Variants in MAGT1 observed in about 807,000 individuals in gnomAD.
MAGT1 encodes the protein magnesium transporter 1, also known as dolichyl-diphosphooligosaccharide--protein glycosyltransferase subunit MAGT1.
MAGT1 carries 4 observed loss-of-function variants against 28.4 expected under a neutral mutation model. The ratio of observed to expected loss-of-function variants is 0.14; its 90% CI spans 0.07 to 0.32. The LOEUF (loss-of-function observed/expected upper bound fraction) is 0.32, where lower values mean the gene tolerates loss of function less well. Ranked by LOEUF, MAGT1 falls within the 10% of genes least tolerant of loss-of-function variation. The pLI, the probability that MAGT1 is intolerant of heterozygous loss-of-function variation, is 1.00. For missense variants in MAGT1, 193 were observed against 264.5 expected (o/e 0.73, Z 1.88); for synonymous variants, 89 against 89.7 (o/e 0.99, Z 0.04).
intron 6 of MAGT1, 63 bp from the exon 7 acceptor site, chrX:77,854,027 C>A: frequency 1.2e-6 from 1 of 840,120 alleles, no homozygotes; most frequent in South Asian, 2.0e-5. Flanking sequence ...TATGCTAACC[C>A]TAAAACGGGG....
intron 1 of MAGT1, among the ~76,000 whole-genome samples, chrX:77,893,889 C>A (rs868964705): frequency 9.3e-6 from 1 of 107,221 alleles, no homozygotes; most frequent in African/African-American, 3.4e-5. Context: ...GGCAACAGAG[C>A]GAGACCCGGT....
intron 3 of MAGT1, among the ~76,000 whole-genome samples, chrX:77,859,214 A>C (rs2076988711): frequency 9.0e-6 from 1 of 111,450 alleles, no homozygotes; most frequent in Non-Finnish European, 1.9e-5. Context: ...TCTCTAAATA[A>C]ATAAATAAAA....
chrX:77,870,365 T>C (rs1321556928), intron 3 of MAGT1, among the ~76,000 whole-genome samples: 1 of 110,274 alleles, frequency 9.1e-6, no homozygotes, highest in Admixed American at 9.8e-5. Flanking sequence ...AACTTATCCA[T>C]GTAACCAAAA....
At chrX:77,858,194 T>A (rs782312509) in intron 3 of MAGT1, among the ~76,000 whole-genome samples, 264 of 111,544 alleles carry the variant, frequency 2.4e-3, no homozygotes, top group Non-Finnish European at 4.3e-3. Flanking sequence ...TTTATTTATT[T>A]ATTTGTTTAT....
At chrX:77,832,619 AG>A (rs2076901615) in intron 8 of MAGT1, among the ~76,000 whole-genome samples, 1 of 109,763 alleles carries the variant, frequency 9.1e-6, no homozygotes, top group African/African-American at 3.3e-5. Context: ...TCACGAGGTC[AG>A]GAGTTCAAGA....
chrX:77,852,952 C>T (rs782567644), intron 7 of MAGT1, among the ~76,000 whole-genome samples: 1 of 111,718 alleles, frequency 9.0e-6, no homozygotes, highest in South Asian at 3.7e-4. Context: ...ATTCCAGGAA[C>T]ATTACATTTG....
chrX:77,849,599 C>T (rs1471132926), intron 7 of MAGT1, among the ~76,000 whole-genome samples: 4 of 110,191 alleles, frequency 3.6e-5, no homozygotes, highest in Non-Finnish European at 7.6e-5. Flanking sequence ...GACTGGGCAC[C>T]GTGGATCACG....
At chrX:77,859,847 A>G (rs1267149708) in intron 3 of MAGT1, among the ~76,000 whole-genome samples, 2 of 110,150 alleles carry the variant, frequency 1.8e-5, no homozygotes, top group Non-Finnish European at 3.8e-5. Flanking sequence ...AGCCTGGGTG[A>G]CACAGTGAGA....
intron 2 of MAGT1, among the ~76,000 whole-genome samples, chrX:77,873,105 G>A (rs1043262185): frequency 3.6e-5 from 4 of 111,891 alleles, no homozygotes; most frequent in African/African-American, 9.7e-5. Flanking sequence ...GTGAACTGAC[G>A]GAATTAGAAG....
intron 7 of MAGT1, among the ~76,000 whole-genome samples, chrX:77,844,688 C>T (rs1373961408): frequency 3.6e-5 from 4 of 111,588 alleles, no homozygotes; most frequent in Non-Finnish European, 5.6e-5. Flanking sequence ...TTTCTGCCTT[C>T]ATTTTGTTAT....
chrX:77,851,212 GTCTT>G (rs371851173), intron 7 of MAGT1, among the ~76,000 whole-genome samples: 24 of 108,331 alleles, frequency 2.2e-4, no homozygotes, highest in African/African-American at 8.1e-4. Flanking sequence ...AATGAACATT[GTCTT>G]TCTTTTTTTT....
At chrX:77,830,203 TC>T (rs2076893679) in intron 9 of MAGT1, among the ~76,000 whole-genome samples, 1 of 112,019 alleles carries the variant, frequency 8.9e-6, no homozygotes, top group Admixed American at 9.5e-5. Flanking sequence ...GCAGCTGTAG[TC>T]CTAGCCTCTT....
chrX:77,893,014 T>C (rs1557219610), intron 1 of MAGT1, among the ~76,000 whole-genome samples: 1 of 110,325 alleles, frequency 9.1e-6, no homozygotes. Context: ...AGGTCAGGCA[T>C]GGAGGCTCGC....
chrX:77,881,030 G>C (rs782177620), intron 1 of MAGT1, among the ~76,000 whole-genome samples: 1 of 106,120 alleles, frequency 9.4e-6, no homozygotes, highest in East Asian at 3.0e-4. Context: ...GCGGAACAAT[G>C]AAACAAGTAG....
chrX:77,886,624 A>G (rs1296916552), intron 1 of MAGT1, among the ~76,000 whole-genome samples: 1 of 110,912 alleles, frequency 9.0e-6, no homozygotes, highest in African/African-American at 3.3e-5. Flanking sequence ...ACTACACTTC[A>G]GCCTGAGCAA....
At chrX:77,863,663 G>A (rs1190280831) in intron 3 of MAGT1, among the ~76,000 whole-genome samples, 1 of 112,256 alleles carries the variant, frequency 8.9e-6, no homozygotes, top group African/African-American at 3.2e-5. Flanking sequence ...GTTTACTGCA[G>A]CACAATAGCA....
At chrX:77,850,484 A>AGGGG (rs35120738) in intron 7 of MAGT1, among the ~76,000 whole-genome samples, 6 of 33,927 alleles carry the variant, frequency 1.8e-4, no homozygotes, top group African/African-American at 3.8e-4. Flanking sequence ...CAAAAAAAAA[A>AGGGG]GGGGGGGGGG....
intron 1 of MAGT1, among the ~76,000 whole-genome samples, chrX:77,876,113 G>A (rs1557217770): frequency 1.1e-5 from 1 of 90,841 alleles, no homozygotes; most frequent in Non-Finnish European, 2.1e-5. Flanking sequence ...TTACAGGCAT[G>A]AGCCACCACA....
intron 9 of MAGT1, among the ~76,000 whole-genome samples, chrX:77,829,616 C>G (rs2076892248): frequency 9.0e-6 from 1 of 110,679 alleles, no homozygotes; most frequent in Non-Finnish European, 1.9e-5. Flanking sequence ...TGAATCAACT[C>G]TGCTGATCAA....
Sources: allele counts gnomAD v4.1 joint callset (sites outside exome capture counted in the v4.1 genomes callset), GRCh38; gene constraint gnomAD v4.1.1; transcripts MANE v1.5; gene names NCBI Gene and HGNC (gene_info 2026-07-23, HGNC 2026-07-21).